Variants in NHSL2 observed in about 807,000 individuals in gnomAD.
NHSL2 encodes NHS like 2, also known as NHS-like protein 2.
NHSL2 carries 27 observed loss-of-function variants against 53.4 expected under a neutral mutation model. The observed-to-expected ratio is 0.51, with a 90% CI of 0.37 to 0.70. NHSL2 has a LOEUF of 0.70. Among genes scored for constraint, NHSL2 ranks in the 30% least tolerant of loss-of-function variants. The pLI is 0.00. For missense variants in NHSL2, 892 were observed against 980.1 expected (o/e 0.91, Z 1.20); for synonymous variants, 408 against 404.1 (o/e 1.01, Z -0.12).
chrX:72,108,743 G>T (rs2042066515), intron 1 of NHSL2, among the ~76,000 whole-genome samples: 1 of 111,995 alleles, frequency 8.9e-6, no homozygotes. Flanking sequence ...TGCGGGTCCG[G>T]CAGGGAAGAA....
chrX:72,060,589 C>T (rs967251890), intron 1 of NHSL2, among the ~76,000 whole-genome samples: 3 of 112,607 alleles, frequency 2.7e-5, no homozygotes, highest in African/African-American at 9.7e-5. Context: ...GGAAGTTAGG[C>T]ATATCTGACA....
chrX:71,935,876 A>G (rs2041735741), intron 1 of NHSL2, among the ~76,000 whole-genome samples: 1 of 111,399 alleles, frequency 9.0e-6, no homozygotes, highest in South Asian at 3.8e-4. Flanking sequence ...CATAAATAGG[A>G]ATTAGGGTTC....
chrX:72,052,545 G>A (rs1178000077), intron 1 of NHSL2, among the ~76,000 whole-genome samples: 2 of 112,364 alleles, frequency 1.8e-5, no homozygotes, highest in Non-Finnish European at 1.9e-5. Flanking sequence ...TGAAAGAGAT[G>A]GGCTTGGGGA....
At chrX:72,053,287 G>A (rs955104942) in intron 1 of NHSL2, among the ~76,000 whole-genome samples, 1 of 111,028 alleles carries the variant, frequency 9.0e-6, no homozygotes, top group African/African-American at 3.3e-5. Context: ...GGATTCTTGC[G>A]ACAGTCGCCT....
chrX:72,035,301 T>C (rs1030945644), intron 1 of NHSL2, among the ~76,000 whole-genome samples: 1 of 109,309 alleles, frequency 9.1e-6, no homozygotes, highest in African/African-American at 3.3e-5. Context: ...TTTATTGAGA[T>C]TTTTGCCTTG....
intron 5 of NHSL2, 98 bp downstream of exon 5, chrX:72,137,323 A>T: frequency 1.2e-6 from 1 of 867,653 alleles, no homozygotes; most frequent in Admixed American, 3.5e-5. Flanking sequence ...AACAGGAATA[A>T]TTGGGTGGAG....
chrX:72,038,790 T>A (rs748453078), intron 1 of NHSL2, among the ~76,000 whole-genome samples: 1 of 111,669 alleles, frequency 9.0e-6, no homozygotes, highest in South Asian at 3.7e-4. Flanking sequence ...AATGTGTGAA[T>A]AAAGATATAT....
At chrX:72,038,289 G>C (rs1027082454) in intron 1 of NHSL2, among the ~76,000 whole-genome samples, 1 of 112,264 alleles carries the variant, frequency 8.9e-6, no homozygotes, top group Non-Finnish European at 1.9e-5. Flanking sequence ...AAAAGGTTGA[G>C]GCAGGGCAGC....
chrX:72,024,568 G>T (rs60426119), intron 1 of NHSL2, among the ~76,000 whole-genome samples: 1 of 112,052 alleles, frequency 8.9e-6, no homozygotes, highest in African/African-American at 3.3e-5. Flanking sequence ...AGATGAGGAC[G>T]GGCACAGAGA....
At chrX:71,999,913 G>T (rs2042065293) in intron 1 of NHSL2, among the ~76,000 whole-genome samples, 1 of 111,800 alleles carries the variant, frequency 8.9e-6, no homozygotes, top group Non-Finnish European at 1.9e-5. Context: ...TTCTGTTATG[G>T]CCGAAGTTTG....
At chrX:72,034,726 A>C (rs747724167) in intron 1 of NHSL2, among the ~76,000 whole-genome samples, 37 of 112,197 alleles carry the variant, frequency 3.3e-4, no homozygotes, top group Non-Finnish European at 5.3e-4. Context: ...AGTTGTTTAT[A>C]ATATCCTTTT....
intron 1 of NHSL2, among the ~76,000 whole-genome samples, chrX:72,098,527 G>A (rs2041962729): frequency 9.5e-6 from 1 of 105,568 alleles, no homozygotes; most frequent in Non-Finnish European, 1.9e-5. Context: ...CTTGCAGTGA[G>A]CGAAGATTGC....
chrX:72,087,653 C>CTT (rs2041860540), intron 1 of NHSL2, among the ~76,000 whole-genome samples: 1 of 111,126 alleles, frequency 9.0e-6, no homozygotes, highest in African/African-American at 3.3e-5. Context: ...GGGCAGATCA[C>CTT]GAGGTCAGGA....
intron 1 of NHSL2, among the ~76,000 whole-genome samples, chrX:72,091,889 C>A (rs1365759845): frequency 9.0e-6 from 1 of 111,623 alleles, no homozygotes; most frequent in Non-Finnish European, 1.9e-5. Flanking sequence ...GAATCTCAAG[C>A]CAGGACTAGG....
intron 1 of NHSL2, chrX:72,130,454 T>C (rs1185142104): frequency 1.5e-5 from 18 of 1,207,406 alleles, no homozygotes; most frequent in Non-Finnish European, 1.8e-5. Context: ...ATGCGCTTCC[T>C]CTGGTCCTTG....
intron 1 of NHSL2, among the ~76,000 whole-genome samples, chrX:71,920,182 A>T (rs867894699): frequency 8.9e-6 from 1 of 112,014 alleles, no homozygotes; most frequent in African/African-American, 3.2e-5. Context: ...TGTCTACAAG[A>T]TGCCCTGGCC....
intron 1 of NHSL2, among the ~76,000 whole-genome samples, chrX:71,928,227 G>T: frequency 8.9e-6 from 1 of 111,886 alleles, no homozygotes; most frequent in Non-Finnish European, 1.9e-5. Context: ...TTGACCCTGG[G>T]AGAATTGATT....
rs779813513 is a variant in NHSL2 at position 72,087,750 on chromosome X, T to C, written c.281-44329T>C. On this transcript the variant is annotated intron_variant, in intron 1 of 7. Coordinates refer to ENST00000633930, the MANE Select transcript of NHSL2 (RefSeq NM_001013627.3). ...AGCCAGGCGTGGTGGCACGCACCTA[T>C]AATCCCAGCTACTCGGGAGGCTGAG... Among the ~76,000 whole-genome samples the C allele has an allele frequency of 1.5e-4, 17 of 111,366 alleles. No individual in the cohort carries two copies. In the East Asian group the frequency reaches 4.0e-3, roughly 26 times the overall value.
chrX:72,140,465 G>A lies in NHSL2; in HGVS notation c.2917G>A (p.Asp973Asn). The A allele has an allele frequency of 1.7e-6, 2 of 1,209,679 alleles. No individual in the cohort carries two copies. Among genetic ancestry groups the A allele is most frequent in the Non-Finnish European group, 2.2e-6 (2 of 894,437 alleles). ...GCAGCCTCCCCAGGGAAGTGTAGAG[G>A]ACGAGGGCCCCAAGGTGAGGGTTCT... ...TQQPPQGSVEDEGPKVRVLPE... is the reference protein window; with the variant it reads ...TQQPPQGSVENEGPKVRVLPE... The change falls in exon 6 of 8, where the codon GAC becomes AAC. Residue 973 changes from aspartate (D) to asparagine (N), a missense_variant. Asp to Asn is a conservative substitution (Grantham distance 23). Transcript: ENST00000633930.
Sources: allele counts gnomAD v4.1 joint callset (sites outside exome capture counted in the v4.1 genomes callset), GRCh38; gene constraint gnomAD v4.1.1; transcripts MANE v1.5; gene names NCBI Gene and HGNC (gene_info 2026-07-23, HGNC 2026-07-21).